Variants in MBOAT2 observed in about 807,000 individuals in gnomAD.
MBOAT2 encodes membrane bound glycerophospholipid O-acyltransferase 2, also known as membrane-bound glycerophospholipid O-acyltransferase 2.
A neutral mutation model predicts 63.4 loss-of-function variants in MBOAT2; 28 were observed. The observed-to-expected ratio is 0.44, with a 90% confidence interval of 0.33 to 0.61. The LOEUF (loss-of-function observed/expected upper bound fraction) is 0.61. Among genes scored for constraint, MBOAT2 ranks in the 20% least tolerant of loss-of-function variants. The pLI is 0.03. For missense variants in MBOAT2, 470 were observed against 605.8 expected, an observed-to-expected ratio of 0.78 and a Z score of 2.35; for synonymous variants, 211 against 215.6, an observed-to-expected ratio of 0.98 and a Z score of 0.19.
chr2:8,972,215 A>G (rs1269393743), intron 1 of MBOAT2, among the ~76,000 whole-genome samples: 2 of 152,186 alleles, frequency 1.3e-5, no homozygotes, highest in African/African-American at 4.8e-5. Flanking sequence ...ATAATACCAC[A>G]CATCTACAAC....
intron 1 of MBOAT2, among the ~76,000 whole-genome samples, chr2:8,994,844 T>C (rs955167251): frequency 2.6e-5 from 4 of 152,076 alleles, no homozygotes; most frequent in African/African-American, 7.2e-5. Flanking sequence ...AGCCAAAAAG[T>C]GTAGCAGGGA....
intron 1 of MBOAT2, among the ~76,000 whole-genome samples, chr2:8,973,398 T>G (rs1220770608): frequency 6.6e-6 from 1 of 150,672 alleles, no homozygotes; most frequent in Non-Finnish European, 1.5e-5. Context: ...AGGGATAGCA[T>G]TAGGAGATAT....
rs1665937472 is a variant in MBOAT2, at chr2:8,913,505, A to C, written c.300-4789T>G. ...GAAAAAAAACAAACAATCCCATCAAAAAGTGGGCTAAGGACATGAATAGAC... is the reference window on the plus strand; with the variant it reads ...GAAAAAAAACAAACAATCCCATCAACAAGTGGGCTAAGGACATGAATAGAC... On this transcript the variant is annotated intron_variant, in intron 3 of 12. Transcript: ENST00000305997. Among the ~76,000 whole-genome samples the C allele has an allele frequency of 1.3e-5, 2 of 152,228 alleles. 1 individual carries two copies. Among genetic ancestry groups the C allele is most frequent in the South Asian group, 4.1e-4 (2 of 4,830 alleles).
chr2:9,003,543 G>T lies in MBOAT2; in HGVS notation c.72C>A (p.Asp24Glu). 1 of 1,218,342 alleles carries T rather than the reference G, an allele frequency of 8.2e-7. No homozygotes were observed. Among genetic ancestry groups the T allele is most frequent in the Non-Finnish European group, 1.0e-6 (1 of 974,504 alleles). 75.5% of individuals were successfully genotyped at this position (1,218,342 alleles called of 1,614,324 possible). The change falls in exon 1 of 13, where the codon GAC becomes GAA. Residue 24 changes from aspartate to glutamate, a missense_variant. Asp to Glu is a conservative substitution (Grantham distance 45). Coordinates refer to ENST00000305997, the MANE Select transcript of MBOAT2 (RefSeq NM_138799.4). The surrounding 1 kb of genome is among the most constrained non-coding windows in gnomAD (Gnocchi z 5.4). The part of the protein sequence containing the change: ...PLSNAVQLPI[D>E]QVNFVVCQLF... ...GCGCCAGGGCGCCTCGGGGTACCTGGTCGATGGGCAGCTGCACGGCGTTGC... is the reference window on the plus strand; with the variant it reads ...GCGCCAGGGCGCCTCGGGGTACCTGTTCGATGGGCAGCTGCACGGCGTTGC...
At chr2:8,935,168 A>G (rs1044158109) in intron 3 of MBOAT2, among the ~76,000 whole-genome samples, 5 of 152,214 alleles carry the variant, frequency 3.3e-5, no homozygotes, top group African/African-American at 1.2e-4. Flanking sequence ...AGGGAAGAGA[A>G]GCAGAGAACA....
At chr2:8,998,324 G>A (rs1672449521) in intron 1 of MBOAT2, among the ~76,000 whole-genome samples, 1 of 152,188 alleles carries the variant, frequency 6.6e-6, no homozygotes, top group Non-Finnish European at 1.5e-5. Context: ...GTAGACAGGA[G>A]AGAGAAATGA....
At chr2:8,935,319 C>T (rs998248001) in intron 3 of MBOAT2, among the ~76,000 whole-genome samples, 1 of 152,210 alleles carries the variant, frequency 6.6e-6, no homozygotes, top group African/African-American at 2.4e-5. Flanking sequence ...AAGGCAAGAA[C>T]TCACAAATAC....
At chr2:9,001,768 T>C (rs1394517671) in intron 1 of MBOAT2, among the ~76,000 whole-genome samples, 3 of 152,228 alleles carry the variant, frequency 2.0e-5, no homozygotes, top group Non-Finnish European at 4.4e-5. Flanking sequence ...ATAAGCATTA[T>C]ATAAATGAAT....
At chr2:8,986,565 TA>T (rs143944201) in intron 1 of MBOAT2, among the ~76,000 whole-genome samples, 168 of 144,854 alleles carry the variant, frequency 1.2e-3, no homozygotes, top group Admixed American at 1.1e-3. Flanking sequence ...ATTCTGTCTT[TA>T]AAAAAAAAAA....
intron 1 of MBOAT2, among the ~76,000 whole-genome samples, chr2:8,989,859 T>A (rs1340282124): frequency 6.6e-6 from 1 of 152,116 alleles, no homozygotes; most frequent in Non-Finnish European, 1.5e-5. Flanking sequence ...TGATAAAACT[T>A]TATTTCACAC....
intron 9 of MBOAT2, among the ~76,000 whole-genome samples, chr2:8,866,895 T>C (rs1299774910): frequency 6.6e-6 from 1 of 152,206 alleles, no homozygotes; most frequent in East Asian, 1.9e-4. Flanking sequence ...GGCCTGCATT[T>C]CTTATGGCAT....
intron 4 of MBOAT2, among the ~76,000 whole-genome samples, chr2:8,897,791 G>A (rs985913512): frequency 6.6e-6 from 1 of 152,202 alleles, no homozygotes; most frequent in Non-Finnish European, 1.5e-5. Flanking sequence ...AGTCATGCTC[G>A]ATTGGTTCCC....
chr2:8,904,039 T>G lies in MBOAT2; in HGVS notation c.395+4582A>C, dbSNP rs564547567. On this transcript the variant is annotated intron_variant, in intron 4 of 12. Coordinates refer to ENST00000305997, the MANE Select transcript of MBOAT2 (RefSeq NM_138799.4). ...TCGCCCAGGCTGGAGTGCAGTGGTG[T>G]GATCACAGCTCACTGCAACCTCCAC... is the stretch of plus-strand genomic sequence containing the variant. 2.6e-5 allele frequency among the ~76,000 whole-genome samples: 4 copies of G among 152,026 alleles called. No homozygotes were observed. The South Asian group carries it at 8.3e-4, about 32-fold the overall frequency.
intron 3 of MBOAT2, among the ~76,000 whole-genome samples, chr2:8,930,901 C>A (rs1667273042): frequency 6.6e-6 from 1 of 152,148 alleles, no homozygotes; most frequent in African/African-American, 2.4e-5. Context: ...CTGCTCGGGA[C>A]CCCTTCCATG....
chr2:8,872,527 C>T (rs888251905), intron 8 of MBOAT2, among the ~76,000 whole-genome samples: 3 of 152,130 alleles, frequency 2.0e-5, no homozygotes, highest in African/African-American at 7.2e-5. Flanking sequence ...AGTGATCCTC[C>T]CACCTTGAAC....
intron 5 of MBOAT2, 109 bp downstream of exon 5, chr2:8,887,909 C>T: frequency 5.1e-6 from 5 of 971,692 alleles, no homozygotes; most frequent in Non-Finnish European, 8.3e-6. Flanking sequence ...CCTATCTTAC[C>T]TCCCTCCATT....
At chr2:8,912,337 A>AAG (rs1491041017) in intron 3 of MBOAT2, among the ~76,000 whole-genome samples, 3 of 108,988 alleles carry the variant, frequency 2.8e-5, no homozygotes, top group African/African-American at 1.1e-4. Flanking sequence ...GAAAGAAAGA[A>AAG]AGAAAGAAAG....
chr2:8,888,957 T>C (rs374060416), intron 4 of MBOAT2, among the ~76,000 whole-genome samples: 1 of 152,220 alleles, frequency 6.6e-6, no homozygotes, highest in Non-Finnish European at 1.5e-5. Flanking sequence ...TGAAGAACAA[T>C]TGACCAGAAG....
At chr2:8,941,593 G>A (rs919888453) in intron 3 of MBOAT2, among the ~76,000 whole-genome samples, 34 of 151,950 alleles carry the variant, frequency 2.2e-4, no homozygotes, top group African/African-American at 8.2e-4. Flanking sequence ...AAACCCGGGA[G>A]GCAGAGGTTG....
Sources: gnomAD v4.1 joint callset for allele counts (sites outside exome capture counted in the v4.1 genomes callset) on GRCh38, gnomAD v4.1.1 for gene constraint, Gnocchi (gnomAD v3.1) non-coding constraint, MANE v1.5 for transcripts, NCBI Gene and HGNC (gene_info 2026-07-23, HGNC 2026-07-21) for gene names.